NTRK3: variants seen among roughly 807,000 people sequenced by gnomAD.
NTRK3 encodes NT-3 growth factor receptor.
Under a neutral mutation model 91.7 loss-of-function variants are expected in NTRK3, and 24 were observed. The observed-to-expected ratio is 0.26, with a 90% CI of 0.19 to 0.37. The LOEUF (loss-of-function observed/expected upper bound fraction) is 0.37. NTRK3 is among the 10% of genes least tolerant of loss of function. The pLI is 1.00. For missense variants in NTRK3, 880 were observed against 1,068.9 expected (o/e 0.82, Z 2.46); for synonymous variants, 483 against 404.0 (o/e 1.20, Z -2.34).
At chr15:87,992,386 G>C (rs897731142) in intron 14 of NTRK3, among the ~76,000 whole-genome samples, 2 of 151,986 alleles carry the variant, frequency 1.3e-5, no homozygotes, top group African/African-American at 4.8e-5. Flanking sequence ...TCATCCAATT[G>C]CCGTTCAATC....
At chr15:88,039,396 T>C (rs1207202963) in intron 13 of NTRK3, among the ~76,000 whole-genome samples, 1 of 152,228 alleles carries the variant, frequency 6.6e-6, no homozygotes, top group Non-Finnish European at 1.5e-5. Flanking sequence ...TGCCTTGTTT[T>C]TTTCTTCAGA....
In NTRK3 at chr15:88,127,956, A is replaced by T. The variant is rs80258265; in HGVS notation, c.1229-730T>A. Among the ~76,000 whole-genome samples the T allele has an allele frequency of 3.3e-4, 51 of 152,298 alleles. No individual in the cohort carries two copies. In the East Asian group the frequency reaches 9.7e-3, roughly 29 times the overall value. On this transcript the variant is annotated intron_variant, in intron 11 of 18. Transcript: ENST00000394480. The stretch of plus-strand genomic sequence containing the variant: ...ATTCTCTGAAGGAATATTCTGCAAG[A>T]TTACAAGTCCTCTAAGGCTGAAGAC...
At chr15:87,866,139 T>C in exon 19 of NTRK3, 1 of 226,028 alleles carries the variant, frequency 4.4e-6, no homozygotes, top group East Asian at 6.3e-5. Context: ...ATTTTGTATG[T>C]TAAGAAACTG....
chr15:87,866,281 G>A (rs981552797), exon 19 of NTRK3: 11 of 202,224 alleles, frequency 5.4e-5, no homozygotes, highest in African/African-American at 1.1e-4. Context: ...ATCCTAGAAA[G>A]CATTCATAAT....
chr15:88,135,117 G>A lies in NTRK3; in HGVS notation c.1188C>T (p.Leu396=), dbSNP rs1250541353. The A allele has an allele frequency of 3.7e-6, 6 of 1,614,130 alleles. No homozygotes were observed. The African/African-American group carries it at 5.3e-5, about 14-fold the overall frequency. The change falls in exon 10 of 19, where the codon CTC becomes CTT. Residue 396 remains leucine (L), a synonymous_variant. Coordinates refer to ENST00000394480, the Ensembl canonical transcript of NTRK3. ...TGCCCTCACCTGGAAAGGGCTCCTT[G>A]AGGAAGTGGCCATTGATGGTCTGGT...
chr15:88,001,977 GCCAGTTGTTGAATGA>G (rs2076128616), intron 14 of NTRK3, among the ~76,000 whole-genome samples: 1 of 151,966 alleles, frequency 6.6e-6, no homozygotes, highest in African/African-American at 2.4e-5. Flanking sequence ...ATACATACAT[GCCAGTTGTTGAATGA>G]AAATGATATT....
At chr15:87,982,738 C>A (rs1372002065) in intron 14 of NTRK3, among the ~76,000 whole-genome samples, 1 of 152,188 alleles carries the variant, frequency 6.6e-6, no homozygotes, top group Non-Finnish European at 1.5e-5. Flanking sequence ...AAAGGCAAGT[C>A]CTTTATATTG....
chr15:88,002,455 C>G (rs893445292), intron 14 of NTRK3, among the ~76,000 whole-genome samples: 2 of 151,996 alleles, frequency 1.3e-5, no homozygotes, highest in African/African-American at 4.8e-5. Flanking sequence ...TTGCTAGGAA[C>G]TACAGAGGGT....
In NTRK3 at chr15:87,959,965, C is replaced by T. The variant is rs200377060; in HGVS notation, c.1586-19212G>A. Among the ~76,000 whole-genome samples the T allele has an allele frequency of 5.9e-5, 9 of 152,324 alleles. No individual in the cohort carries two copies. The East Asian group carries it at 1.7e-3, about 29-fold the overall frequency. ...AACTGGAGATGAAGGAGGTTGCCTG[C>T]TGCCTTTCCCCAGCTGCATCCTACT... On this transcript the variant is annotated intron_variant, in intron 14 of 18. Coordinates refer to ENST00000394480, the Ensembl canonical transcript of NTRK3.
chr15:88,103,887 G>C (rs981774419), intron 13 of NTRK3, among the ~76,000 whole-genome samples: 3 of 152,202 alleles, frequency 2.0e-5, no homozygotes, highest in African/African-American at 7.2e-5. Flanking sequence ...TGTGGCTGGA[G>C]CAGCACAACC....
At chr15:87,960,515 C>T (rs1252818487) in intron 14 of NTRK3, among the ~76,000 whole-genome samples, 2 of 151,394 alleles carry the variant, frequency 1.3e-5, no homozygotes, top group Admixed American at 6.6e-5. Context: ...GGCAGAGTTT[C>T]GCTCTCTCAC....
chr15:87,860,139 C>A lies in NTRK3; in HGVS notation c.*16796G>T, dbSNP rs147812667. 5.6e-3 allele frequency: 1,226 copies of A among 219,396 alleles called. 12 individuals are homozygous for A. Among genetic ancestry groups the A allele is most frequent in the African/African-American group, 0.019 (833 of 44,602 alleles). 13.6% of individuals were successfully genotyped at this position (219,396 alleles called of 1,614,324 possible). ...GTGTCATGGTGTTAAATCTCTGCCCCCACATTTAACTTCAACACCCATAGA... is the reference window on the plus strand; with the variant it reads ...GTGTCATGGTGTTAAATCTCTGCCCACACATTTAACTTCAACACCCATAGA... On this transcript the variant is annotated 3_prime_UTR_variant, in exon 19 of 19. Transcript: ENST00000394480.
At chr15:88,161,088 A>C (rs762037472) in intron 5 of NTRK3, among the ~76,000 whole-genome samples, 4 of 152,240 alleles carry the variant, frequency 2.6e-5, no homozygotes. Context: ...TGCTGGGGTC[A>C]CAGAGGTATT....
intron 3 of NTRK3, among the ~76,000 whole-genome samples, chr15:88,212,572 C>A (rs1202720912): frequency 6.6e-6 from 1 of 152,054 alleles, no homozygotes; most frequent in Admixed American, 6.5e-5. Context: ...TGTTGATGGA[C>A]CTCGTTCCTA....
intron 14 of NTRK3, among the ~76,000 whole-genome samples, chr15:88,022,796 A>G (rs1009768874): frequency 7.2e-5 from 11 of 152,112 alleles, no homozygotes; most frequent in African/African-American, 1.7e-4. Context: ...TTTAAAGCCA[A>G]TTACCTTGTA....
chr15:87,960,450 C>T (rs2072150979), intron 14 of NTRK3, among the ~76,000 whole-genome samples: 1 of 152,062 alleles, frequency 6.6e-6, no homozygotes, highest in Non-Finnish European at 1.5e-5. Context: ...ACCCCTCTTG[C>T]CCACTGACTT....
rs2051504362 is a variant in NTRK3 at position 88,234,505 on chromosome 15, C to G, written c.248+21401G>C. Among the ~76,000 whole-genome samples the G allele has an allele frequency of 6.6e-6, 1 of 152,170 alleles. No homozygotes were observed. Among genetic ancestry groups the G allele is most frequent in the African/African-American group, 2.4e-5 (1 of 41,448 alleles). On this transcript the variant is annotated intron_variant, in intron 3 of 18. Transcript: ENST00000394480. The surrounding 1 kb of genome is among the most constrained non-coding windows in gnomAD (Gnocchi z 6.1). Reference sequence around the variant, plus strand: ...TAAAGACACCATTGCTTCAGGGGCCCTCCTCACGCTGCTCCCTCCTCTAGA... The same window carrying G: ...TAAAGACACCATTGCTTCAGGGGCCGTCCTCACGCTGCTCCCTCCTCTAGA...
intron 3 of NTRK3, among the ~76,000 whole-genome samples, chr15:88,223,342 C>T (rs2050399133): frequency 6.6e-6 from 1 of 152,230 alleles, no homozygotes; most frequent in South Asian, 2.1e-4. Context: ...ACAGCTGTGC[C>T]CCCTGCTGCC....
rs113617820 is a variant in NTRK3, at chr15:88,211,632, T to A, written c.249-27333A>T. Among the ~76,000 whole-genome samples, 58 of 152,364 alleles carry A rather than the reference T, an allele frequency of 3.8e-4. 2 individuals are homozygous for A. In the East Asian group the frequency reaches 5.2e-3, roughly 14 times the overall value. Reference sequence around the variant, plus strand: ...CTTATTAAAAGGGAACAAAGGAGTATGTGTTAACAGGAGTCCAAGGTGAAC... The same window carrying A: ...CTTATTAAAAGGGAACAAAGGAGTAAGTGTTAACAGGAGTCCAAGGTGAAC... On this transcript the variant is annotated intron_variant, in intron 3 of 18. Coordinates refer to ENST00000394480, the Ensembl canonical transcript of NTRK3.
Sources: gnomAD v4.1 joint callset for allele counts (sites outside exome capture counted in the v4.1 genomes callset) on GRCh38, gnomAD v4.1.1 for gene constraint, Gnocchi (gnomAD v3.1) non-coding constraint, MANE v1.5 for transcripts, NCBI Gene and HGNC (gene_info 2026-07-23, HGNC 2026-07-21) for gene names.